Variants in CLASP1 observed in about 807,000 individuals in gnomAD.
CLASP1 encodes CLIP-associating protein 1.
Under a neutral mutation model 192.3 loss-of-function variants are expected in CLASP1, and 38 were observed. That is an observed-to-expected ratio of 0.20 (90% CI 0.15 to 0.26). CLASP1 has a LOEUF of 0.26. CLASP1 is among the 10% of genes least tolerant of loss of function. CLASP1 has a pLI of 1.00. For missense variants in CLASP1, 1,433 were observed against 1,932.5 expected, an observed-to-expected ratio of 0.74 and a Z score of 4.85; for synonymous variants, 691 against 712.8, an observed-to-expected ratio of 0.97 and a Z score of 0.49.
At position 121,385,238 on chromosome 2, in the gene CLASP1, A is replaced by G. The variant is rs115754583; in HGVS notation, c.3374+1884T>C. ...CTGGACAGTTTTAGTTGCGAGAAAA[A>G]TCATTTCTTCTGTAAGCTCAAGTTG... On this transcript the variant is annotated intron_variant, in intron 32 of 39. Transcript: ENST00000263710. Among the ~76,000 whole-genome samples the G allele has an allele frequency of 5.5e-3, 841 of 152,354 alleles. 4 individuals are homozygous for G. Among genetic ancestry groups the G allele is most frequent in the Admixed American group, 9.9e-3 (152 of 15,292 alleles).
intron 2 of CLASP1, among the ~76,000 whole-genome samples, chr2:121,558,509 G>A (rs140728942): frequency 2.0e-4 from 30 of 152,266 alleles, no homozygotes; most frequent in Admixed American, 9.2e-4. Context: ...GAATTAATGG[G>A]TTATCACGGG....
intron 8 of CLASP1, among the ~76,000 whole-genome samples, chr2:121,491,663 T>G (rs1381972382): frequency 6.6e-6 from 1 of 152,190 alleles, no homozygotes; most frequent in African/African-American, 2.4e-5. Flanking sequence ...AGAAGAAACA[T>G]CTATATAGCA....
At chr2:121,461,320 G>A in intron 10 of CLASP1, 127 bp from the exon 11 acceptor site, 1 of 595,970 alleles carries the variant, frequency 1.7e-6, no homozygotes. Context: ...ATACCTATGA[G>A]AAAATATCTG....
intron 2 of CLASP1, among the ~76,000 whole-genome samples, chr2:121,561,015 T>C (rs2059034549): frequency 6.6e-6 from 1 of 152,250 alleles, no homozygotes; most frequent in Admixed American, 6.5e-5. Flanking sequence ...CAAGTGATTT[T>C]CCTGCCTCAG....
In CLASP1 at chr2:121,515,652, A is replaced by G. The variant is rs755919620; in HGVS notation, c.644+13T>C. On this transcript the variant is annotated intron_variant, in intron 7 of 39. Coordinates refer to ENST00000263710, the Ensembl canonical transcript of CLASP1. Reference sequence around the variant, plus strand: ...TTGGGTAGAGCAGAAGAAAGGAAAAAATCTGCACTCACCGGGACTGTGGCA... The same window carrying G: ...TTGGGTAGAGCAGAAGAAAGGAAAAGATCTGCACTCACCGGGACTGTGGCA... 2 of 1,610,736 alleles carry G rather than the reference A, an allele frequency of 1.2e-6. No homozygotes were observed. The highest frequency in any genetic ancestry group is 2.2e-5 in the South Asian group (2 of 91,020).
At chr2:121,614,294 G>A (rs1036308536) in intron 1 of CLASP1, among the ~76,000 whole-genome samples, 4 of 152,144 alleles carry the variant, frequency 2.6e-5, no homozygotes, top group East Asian at 1.9e-4. Flanking sequence ...TCAGGTGTTC[G>A]AGACTAGCCT....
At chr2:121,482,896 G>A (rs1007536018) in intron 8 of CLASP1, among the ~76,000 whole-genome samples, 6 of 152,094 alleles carry the variant, frequency 3.9e-5, no homozygotes, top group Non-Finnish European at 7.4e-5. Flanking sequence ...CCCCAGGACC[G>A]GACAGACTCA....
intron 1 of CLASP1, among the ~76,000 whole-genome samples, chr2:121,622,004 C>T (rs746597231): frequency 5.3e-5 from 8 of 151,952 alleles, no homozygotes; most frequent in East Asian, 2.0e-4. Flanking sequence ...TGCACCACCA[C>T]GCTCAGCTAA....
At chr2:121,404,716 TA>T (rs1246071443) in intron 25 of CLASP1, among the ~76,000 whole-genome samples, 1 of 152,214 alleles carries the variant, frequency 6.6e-6, no homozygotes, top group Non-Finnish European at 1.5e-5. Context: ...AATTTATAGC[TA>T]AATCAAATAG....
chr2:121,423,807 T>C (rs2149592254), intron 22 of CLASP1, among the ~76,000 whole-genome samples: 1 of 152,248 alleles, frequency 6.6e-6, no homozygotes, highest in Middle Eastern at 3.4e-3. Context: ...AACCAAGAAA[T>C]ACTTTCTACT....
rs12623762 is a variant in CLASP1, at chr2:121,338,371, T to C, written c.*2490A>G. 0.097 allele frequency: 14,720 copies of C among 152,364 alleles called. 1,046 individuals carry two copies. The highest frequency in any genetic ancestry group is 0.21 in the East Asian group (1,073 of 5,180). 9.4% of individuals were successfully genotyped at this position (152,364 alleles called of 1,614,324 possible). ...CCCTGGCTGCAGGGGAGGCAGCAGC[T>C]TGGAGGAAGCAGGGAGTCAGCCCGC... On this transcript the variant is annotated 3_prime_UTR_variant, in exon 40 of 40. Coordinates refer to ENST00000263710, the Ensembl canonical transcript of CLASP1.
intron 19 of CLASP1, among the ~76,000 whole-genome samples, chr2:121,446,291 T>C (rs1320437611): frequency 1.3e-5 from 2 of 152,232 alleles, no homozygotes; most frequent in African/African-American, 4.8e-5. Flanking sequence ...ATATATGAGT[T>C]AGGTGGCTAT....
At chr2:121,544,514 T>TTAACA (rs909838358) in intron 2 of CLASP1, among the ~76,000 whole-genome samples, 4 of 152,062 alleles carry the variant, frequency 2.6e-5, no homozygotes, top group African/African-American at 9.7e-5. Flanking sequence ...TAGTCTGTGC[T>TTAACA]TAACATACTC....
At chr2:121,556,292 T>C (rs2058566327) in intron 2 of CLASP1, among the ~76,000 whole-genome samples, 1 of 152,146 alleles carries the variant, frequency 6.6e-6, no homozygotes. Flanking sequence ...AGCCACAGAA[T>C]GTCCTTTTGA....
intron 1 of CLASP1, among the ~76,000 whole-genome samples, chr2:121,639,889 TA>T (rs1213564342): frequency 6.8e-6 from 1 of 146,756 alleles, no homozygotes; most frequent in Non-Finnish European, 1.5e-5. Flanking sequence ...AAAAGGATTA[TA>T]AATCACGCTA....
At chr2:121,355,813 G>A (rs2065277728) in intron 37 of CLASP1, among the ~76,000 whole-genome samples, 1 of 152,186 alleles carries the variant, frequency 6.6e-6, no homozygotes, top group Non-Finnish European at 1.5e-5. Flanking sequence ...AAAGGGGTGA[G>A]GGACTATTCA....
At chr2:121,593,790 C>CA (rs2062741071) in intron 2 of CLASP1, among the ~76,000 whole-genome samples, 1 of 139,828 alleles carries the variant, frequency 7.2e-6, no homozygotes, top group Non-Finnish European at 1.5e-5. Flanking sequence ...GTGGGTGGAT[C>CA]ACCTGAGGTT....
chr2:121,467,103 A>G (rs2089740239), intron 9 of CLASP1, among the ~76,000 whole-genome samples: 1 of 152,216 alleles, frequency 6.6e-6, no homozygotes, highest in Non-Finnish European at 1.5e-5. Flanking sequence ...TAGACTGCTG[A>G]GGATAATGGC....
At chr2:121,530,594 A>G (rs2094754763) in intron 2 of CLASP1, 3 of 528,136 alleles carry the variant, frequency 5.7e-6, no homozygotes, top group Middle Eastern at 5.0e-4. Flanking sequence ...CTGCGGGTGG[A>G]GTTCAAGAGC....
Sources: gnomAD v4.1 joint callset for allele counts (sites outside exome capture counted in the v4.1 genomes callset) on GRCh38, gnomAD v4.1.1 for gene constraint, MANE v1.5 for transcripts, NCBI Gene and HGNC (gene_info 2026-07-23, HGNC 2026-07-21) for gene names.